Variants in SCGB2B2 observed in about 807,000 individuals in gnomAD.
The protein encoded by SCGB2B2 is secretoglobin family 2B member 2, also known as secretoglobin-like protein.
Under a neutral mutation model 7.6 loss-of-function variants are expected in SCGB2B2, and 11 were observed. The ratio of observed to expected loss-of-function variants is 1.45; its 90% CI spans 0.91 to 2.40. The LOEUF (loss-of-function observed/expected upper bound fraction) is 2.40. SCGB2B2 is among the 30% of genes most tolerant of loss of function. The pLI, the probability that SCGB2B2 is intolerant of heterozygous loss-of-function variation, is 0.00. For missense variants in SCGB2B2, 104 were observed against 115.4 expected (o/e 0.90, Z 0.45); for synonymous variants, 50 against 48.6 (o/e 1.03, Z -0.12).
At chr19:34,630,745 C>A (rs369265115) in intron 1 of SCGB2B2, among the ~76,000 whole-genome samples, 2 of 152,194 alleles carry the variant, frequency 1.3e-5, no homozygotes, top group South Asian at 4.2e-4. Context: ...ACCATTTGAC[C>A]CAGCCATCGC....
rs2065314025 is a variant in SCGB2B2 at position 34,592,221 on chromosome 19, A to G, written c.*1334T>C. ...GCAGTGGGAGTGAGGGAGGAGAAGAATGTTGAAAGGAAATCTGGGAGTGCA... is the reference window on the plus strand; with the variant it reads ...GCAGTGGGAGTGAGGGAGGAGAAGAGTGTTGAAAGGAAATCTGGGAGTGCA... On this transcript the variant is annotated 3_prime_UTR_variant, in exon 4 of 4. Coordinates refer to ENST00000601241, the MANE Select transcript of SCGB2B2 (RefSeq NM_001025591.4). Among the ~76,000 whole-genome samples the G allele has an allele frequency of 6.6e-6, 1 of 152,066 alleles. No homozygotes were observed. The highest frequency in any genetic ancestry group is 6.5e-5 in the Admixed American group (1 of 15,272).
intron 1 of SCGB2B2, among the ~76,000 whole-genome samples, chr19:34,661,205 T>C (rs1568442756): frequency 1.3e-5 from 2 of 151,990 alleles, no homozygotes; most frequent in Non-Finnish European, 2.9e-5. Context: ...TAAACCAACA[T>C]GGCACATGTA....
chr19:34,635,526 A>T, intron 1 of SCGB2B2: 1 of 282,746 alleles, frequency 3.5e-6, no homozygotes. Context: ...GTAAGGCTTT[A>T]AACCCATGTG....
intron 1 of SCGB2B2, among the ~76,000 whole-genome samples, chr19:34,623,960 C>T (rs1297006246): frequency 1.3e-5 from 2 of 152,124 alleles, no homozygotes; most frequent in East Asian, 3.9e-4. Context: ...AGTTTTCCTG[C>T]CTACAAATAG....
At chr19:34,597,163 C>T (rs1423647889) in intron 1 of SCGB2B2, among the ~76,000 whole-genome samples, 1 of 151,994 alleles carries the variant, frequency 6.6e-6, no homozygotes, top group African/African-American at 2.4e-5. Flanking sequence ...ATCAGCCCCA[C>T]CACATGTGGG....
At chr19:34,663,087 C>T (rs1002388031) in intron 1 of SCGB2B2, among the ~76,000 whole-genome samples, 8 of 152,256 alleles carry the variant, frequency 5.3e-5, no homozygotes, top group Non-Finnish European at 7.3e-5. Context: ...GAGATGCCGA[C>T]GCCCCTGACA....
At chr19:34,597,501 C>T (rs369287248) in intron 1 of SCGB2B2, among the ~76,000 whole-genome samples, 20 of 152,318 alleles carry the variant, frequency 1.3e-4, no homozygotes, top group African/African-American at 4.6e-4. Context: ...CTCAGCCTCA[C>T]CTGGGACTCT....
intron 2 of SCGB2B2, 28 bp downstream of exon 2, chr19:34,594,475 C>A (rs1436547340): frequency 1.9e-6 from 3 of 1,611,264 alleles, no homozygotes; most frequent in African/African-American, 2.7e-5. Context: ...CCACCGCTTC[C>A]TCCCAGCCCT....
At chr19:34,632,849 GCACCTCTCTCATATA>G (rs1315191623) in intron 1 of SCGB2B2, 2 of 152,208 alleles carry the variant, frequency 1.3e-5, no homozygotes, top group African/African-American at 4.8e-5. Flanking sequence ...TTGACCCAGA[GCACCTCTCTCATATA>G]CAGCCAACCA....
At chr19:34,657,238 C>T (rs2067306726) in intron 1 of SCGB2B2, among the ~76,000 whole-genome samples, 1 of 151,120 alleles carries the variant, frequency 6.6e-6, no homozygotes. Flanking sequence ...CATAGAAATA[C>T]ATATGTATTA....
chr19:34,615,712 TTCTC>T (rs1201062662), intron 1 of SCGB2B2, among the ~76,000 whole-genome samples: 2 of 152,178 alleles, frequency 1.3e-5, no homozygotes, highest in Non-Finnish European at 2.9e-5. Flanking sequence ...TTTGAAAGTA[TTCTC>T]TCTACTTCTA....
chr19:34,620,446 C>T (rs2066208407), intron 1 of SCGB2B2, among the ~76,000 whole-genome samples: 1 of 140,458 alleles, frequency 7.1e-6, no homozygotes, highest in Non-Finnish European at 1.5e-5. Flanking sequence ...CCAAACACTG[C>T]ATGTTCTCAC....
intron 1 of SCGB2B2, among the ~76,000 whole-genome samples, chr19:34,624,320 G>C: frequency 1.3e-5 from 2 of 152,312 alleles, no homozygotes; most frequent in Middle Eastern, 6.8e-3. Flanking sequence ...TCCTCCTATA[G>C]AGTGCCATGA....
intron 1 of SCGB2B2, among the ~76,000 whole-genome samples, chr19:34,647,268 T>C (rs559344610): frequency 8.9e-4 from 135 of 152,294 alleles, no homozygotes; most frequent in African/African-American, 3.1e-3. Flanking sequence ...CACCCTTCAG[T>C]TGATTTCGTC....
rs548680772 is a variant in SCGB2B2 at position 34,610,768 on chromosome 19, G to GTTTT, written c.-2031-14178_-2031-14175dup. 5.3e-3 allele frequency among the ~76,000 whole-genome samples: 743 copies of GTTTT among 139,678 alleles called. 14 individuals are homozygous for GTTTT. The highest frequency in any genetic ancestry group is 8.4e-3 in the Non-Finnish European group (544 of 64,704). 91.6% of individuals were successfully genotyped at this position (139,678 alleles called of 152,430 possible). A position where few individuals can be genotyped will look rare whatever the true frequency, so the allele number is the denominator to read the frequency against. On this transcript the variant is annotated intron_variant, in intron 1 of 3. Transcript: ENST00000601241. ...TGTTTATTATGGATATTGGCCTATA[G>GTTTT]TTTTTTTTTTTTTTCTGTATGCGTG... is the stretch of plus-strand genomic sequence containing the variant.
At chr19:34,662,969 C>A (rs1466264607) in intron 1 of SCGB2B2, among the ~76,000 whole-genome samples, 1 of 151,346 alleles carries the variant, frequency 6.6e-6, no homozygotes, top group Admixed American at 6.6e-5. Flanking sequence ...CAAAAAAAAA[C>A]AATAAAAGTG....
At chr19:34,650,673 C>T (rs35997355) in intron 1 of SCGB2B2, among the ~76,000 whole-genome samples, 46,057 of 151,014 alleles carry the variant, frequency 0.3, 8,125 homozygotes, top group Non-Finnish European at 0.37. Flanking sequence ...CTCAACCAAA[C>T]GTTTAGGAAG....
At chr19:34,600,006 C>G (rs556230618) in intron 1 of SCGB2B2, among the ~76,000 whole-genome samples, 29 of 152,256 alleles carry the variant, frequency 1.9e-4, no homozygotes, top group Non-Finnish European at 3.4e-4. Context: ...CCAGCCTCAC[C>G]TCCTAGAGTA....
intron 1 of SCGB2B2, among the ~76,000 whole-genome samples, chr19:34,634,022 CCTAGAGGTG>C (rs2066608600): frequency 3.3e-5 from 5 of 152,150 alleles, no homozygotes; most frequent in African/African-American, 1.2e-4. Flanking sequence ...GTAGCAATGG[CCTAGAGGTG>C]AACAGCCACA....
Sources: gnomAD v4.1 joint callset for allele counts (sites outside exome capture counted in the v4.1 genomes callset) on GRCh38, gnomAD v4.1.1 for gene constraint, MANE v1.5 for transcripts, NCBI Gene and HGNC (gene_info 2026-07-23, HGNC 2026-07-21) for gene names.